Variants in STPG2 observed in about 807,000 individuals in gnomAD.
The protein encoded by STPG2 is sperm tail PG-rich repeat containing 2, also known as sperm-tail PG-rich repeat-containing protein 2.
STPG2 carries 56 observed loss-of-function variants against 54.2 expected under a neutral mutation model. The observed-to-expected ratio is 1.03, with a 90% CI of 0.83 to 1.29. The LOEUF is 1.29. Ranked by LOEUF, STPG2 falls within the 50% of genes most tolerant of loss-of-function variation. STPG2 has a pLI of 0.00. For synonymous variants in STPG2, 200 were observed against 181.8 expected (o/e 1.10, Z -0.81); for missense variants, 596 against 544.9 (o/e 1.09, Z -0.93).
intron 2 of STPG2, among the ~76,000 whole-genome samples, chr4:98,132,086 A>G (rs1488065639): frequency 6.6e-6 from 1 of 152,012 alleles, no homozygotes; most frequent in Non-Finnish European, 1.5e-5. Flanking sequence ...TTTAACTTAT[A>G]TTATTTATAT....
chr4:97,784,453 G>A (rs1038503969), intron 9 of STPG2, among the ~76,000 whole-genome samples: 2 of 151,944 alleles, frequency 1.3e-5, no homozygotes, highest in African/African-American at 4.8e-5. Context: ...TAGTAATGCT[G>A]TGATATTGAA....
chr4:97,747,559 A>G (rs1460740042), intron 9 of STPG2, among the ~76,000 whole-genome samples: 1 of 151,366 alleles, frequency 6.6e-6, no homozygotes, highest in Non-Finnish European at 1.5e-5. Context: ...CTGGCCATGC[A>G]AATATGTTAA....
intron 8 of STPG2, among the ~76,000 whole-genome samples, chr4:97,903,394 T>A (rs1362104201): frequency 7.5e-5 from 11 of 147,484 alleles, no homozygotes; most frequent in Admixed American, 2.7e-4. Flanking sequence ...CTGGAAAAAA[T>A]TAAAATTAAA....
intron 10 of STPG2, among the ~76,000 whole-genome samples, chr4:97,597,732 A>G (rs553238476): frequency 1.3e-5 from 2 of 152,066 alleles, no homozygotes; most frequent in South Asian, 2.1e-4. Context: ...AACAACATAC[A>G]TCGGAAGTAT....
chr4:97,614,726 T>C (rs187852677), intron 10 of STPG2, among the ~76,000 whole-genome samples: 5 of 152,288 alleles, frequency 3.3e-5, no homozygotes, highest in Admixed American at 2.0e-4. Context: ...TTCAAAGAAA[T>C]GCTTCAGAAT....
In STPG2 at chr4:97,943,877, G is replaced by T. The variant is rs755519686; in HGVS notation, c.1044+20C>A. The T allele has an allele frequency of 3.4e-5, 50 of 1,456,608 alleles. No homozygotes were observed. In the Admixed American group the frequency reaches 8.0e-4, roughly 23 times the overall value. 90.2% of individuals were successfully genotyped at this position (1,456,608 alleles called of 1,614,324 possible). A position where few individuals can be genotyped will look rare whatever the true frequency, so the allele number is the denominator to read the frequency against. On this transcript the variant is annotated intron_variant, in intron 8 of 10. Transcript: ENST00000295268. ...TGATTTCTAGATAATGAAAATATTT[G>T]ATTGTAGGAGTATTCTTACCATATC...
chr4:97,533,470 T>G (rs1460255162), intron 4 of STPG2, among the ~76,000 whole-genome samples: 1 of 152,122 alleles, frequency 6.6e-6, no homozygotes, highest in Admixed American at 6.5e-5. Context: ...ACATTTAAAA[T>G]ATAGTTTGAT....
chr4:97,845,483 T>C (rs1397094060), intron 8 of STPG2, among the ~76,000 whole-genome samples: 1 of 152,166 alleles, frequency 6.6e-6, no homozygotes, highest in Non-Finnish European at 1.5e-5. Flanking sequence ...CTCCTTAAAG[T>C]TATTTACGTC....
intron 4 of STPG2, among the ~76,000 whole-genome samples, chr4:97,527,472 T>C (rs1731307392): frequency 6.6e-6 from 1 of 152,218 alleles, no homozygotes; most frequent in African/African-American, 2.4e-5. Flanking sequence ...CACGTGCATG[T>C]ATCTTCATAG....
At chr4:97,895,477 T>C (rs1730922381) in intron 8 of STPG2, among the ~76,000 whole-genome samples, 1 of 151,882 alleles carries the variant, frequency 6.6e-6, no homozygotes, top group Admixed American at 6.6e-5. Flanking sequence ...TATAAAGTCA[T>C]AATTATTCCT....
intron 4 of STPG2, among the ~76,000 whole-genome samples, chr4:97,528,325 T>C (rs1043255679): frequency 6.6e-6 from 1 of 152,166 alleles, no homozygotes; most frequent in African/African-American, 2.4e-5. Flanking sequence ...TGTGGCACTA[T>C]TTCTGAGGCC....
intron 9 of STPG2, among the ~76,000 whole-genome samples, chr4:97,833,113 C>T (rs1226815709): frequency 6.6e-6 from 1 of 152,152 alleles, no homozygotes; most frequent in Non-Finnish European, 1.5e-5. Flanking sequence ...TCAAACTATA[C>T]TACAAGGCTA....
chr4:98,077,554 A>G (rs574937205), intron 5 of STPG2, among the ~76,000 whole-genome samples: 20 of 152,286 alleles, frequency 1.3e-4, no homozygotes, highest in African/African-American at 4.8e-4. Context: ...TTTTAAGAGT[A>G]TAAAAAGATC....
Position 97,944,017 on chromosome 4 carries a change from G to A in STPG2, c.934-10C>T. 8.3e-6 allele frequency: 13 copies of A among 1,573,954 alleles called. No homozygotes were observed. The highest frequency in any genetic ancestry group is 1.0e-5 in the Non-Finnish European group (12 of 1,146,170). On this transcript the variant is annotated splice_polypyrimidine_tract_variant and intron_variant, in intron 7 of 10. Transcript: ENST00000295268. The stretch of plus-strand genomic sequence containing the variant: ...GTGAATGCCAAAATTCCTGTTGAAA[G>A]AAGGGGTTAAAAAGAGTACATCATT...
At position 97,675,921 on chromosome 4, in the gene STPG2, T is replaced by C. The variant is rs1045354836; in HGVS notation, c.1320+36778A>G. On this transcript the variant is annotated intron_variant, in intron 10 of 10. Transcript: ENST00000295268. ...TACATATATATATAGTGTATATATATACATATATGTATATGCTATATATAT... is the reference window on the plus strand; with the variant it reads ...TACATATATATATAGTGTATATATACACATATATGTATATGCTATATATAT... Among the ~76,000 whole-genome samples the C allele has an allele frequency of 8.2e-5, 12 of 146,872 alleles. No individual in the cohort carries two copies. The South Asian group carries it at 8.4e-4, about 10-fold the overall frequency.
intron 5 of STPG2, among the ~76,000 whole-genome samples, chr4:98,020,789 T>A (rs1736156001): frequency 6.6e-6 from 1 of 152,224 alleles, no homozygotes; most frequent in Non-Finnish European, 1.5e-5. Flanking sequence ...CTTCAAGATT[T>A]TCTAGTTTAT....
chr4:97,906,718 A>G (rs1416330100), intron 8 of STPG2, among the ~76,000 whole-genome samples: 1 of 151,942 alleles, frequency 6.6e-6, no homozygotes, highest in Non-Finnish European at 1.5e-5. Context: ...CAATATACAC[A>G]AATCAATAAA....
chr4:98,020,474 A>G, intron 5 of STPG2, among the ~76,000 whole-genome samples: 1 of 151,546 alleles, frequency 6.6e-6, no homozygotes, highest in Non-Finnish European at 1.5e-5. Context: ...TTGGTCTAAA[A>G]TTCTCTTTTT....
chr4:97,634,739 A>G (rs1721445987), intron 10 of STPG2, among the ~76,000 whole-genome samples: 1 of 152,128 alleles, frequency 6.6e-6, no homozygotes, highest in Non-Finnish European at 1.5e-5. Context: ...AAAGGGTATC[A>G]GCAATGGAAG....
Sources: allele counts gnomAD v4.1 joint callset (sites outside exome capture counted in the v4.1 genomes callset), GRCh38; gene constraint gnomAD v4.1.1; transcripts MANE v1.5; gene names NCBI Gene and HGNC (gene_info 2026-07-23, HGNC 2026-07-21).